The following EVI5 variants were observed in gnomAD, a reference collection of about 807,000 sequenced individuals.
The protein encoded by EVI5 is ecotropic viral integration site 5 protein homolog.
EVI5 carries 73 observed loss-of-function variants against 112.0 expected under a neutral mutation model. The ratio of observed to expected loss-of-function variants is 0.65; its 90% CI spans 0.54 to 0.79. The LOEUF (loss-of-function observed/expected upper bound fraction) is 0.79. Ranked by LOEUF, EVI5 falls within the 30% of genes least tolerant of loss-of-function variation. The probability of loss-of-function intolerance (pLI) is 0.00; values close to 1 mark genes in which losing one functional copy is unlikely to be tolerated. For synonymous variants in EVI5, 305 were observed against 319.9 expected, an observed-to-expected ratio of 0.95 and a Z score of 0.50; for missense variants, 900 against 968.8, an observed-to-expected ratio of 0.93 and a Z score of 0.94.
At chr1:92,722,004 GCTTTA>G (rs1207113928) in intron 2 of EVI5, among the ~76,000 whole-genome samples, 2 of 151,312 alleles carry the variant, frequency 1.3e-5, no homozygotes, top group African/African-American at 4.9e-5. Flanking sequence ...GTCTGTAAGT[GCTTTA>G]CTTTGTCAGT....
intron 9 of EVI5, among the ~76,000 whole-genome samples, chr1:92,683,563 G>T (rs568842351): frequency 1.3e-5 from 2 of 152,280 alleles, no homozygotes; most frequent in African/African-American, 4.8e-5. Flanking sequence ...TGAGTTTGAC[G>T]AGTTGACAGA....
chr1:92,668,814 A>G (rs1487159858), intron 10 of EVI5, among the ~76,000 whole-genome samples: 3 of 152,182 alleles, frequency 2.0e-5, no homozygotes, highest in East Asian at 1.9e-4. Context: ...TTTAAAACTA[A>G]TATCACAGTA....
Position 92,707,966 on chromosome 1 carries a change from T to C in EVI5, c.150-3222A>G, listed in dbSNP as rs76237018. On this transcript the variant is annotated intron_variant, in intron 2 of 19. Coordinates refer to ENST00000684568, the MANE Select transcript of EVI5 (RefSeq NM_001350197.2). ...TGTGCATCAACATGGATGAATCTGA[T>C]AGATGTTAGAACGAAAGAAGCCAGG... 2.2e-4 allele frequency among the ~76,000 whole-genome samples: 33 copies of C among 152,140 alleles called. No homozygotes were observed. The East Asian group carries it at 6.4e-3, about 29-fold the overall frequency.
intron 13 of EVI5, among the ~76,000 whole-genome samples, chr1:92,638,406 T>G (rs1460924817): frequency 6.6e-6 from 1 of 151,304 alleles, no homozygotes; most frequent in East Asian, 1.9e-4. Context: ...GTAAATTTTT[T>G]TGCCACTGAC....
chr1:92,784,338 C>A (rs998821191), intron 1 of EVI5: 20 of 985,296 alleles, frequency 2.0e-5, no homozygotes, highest in Middle Eastern at 1.0e-3. Flanking sequence ...CAAGTTCATT[C>A]TGGACCTGGC....
At chr1:92,594,757 G>C (rs1223363938) in intron 18 of EVI5, among the ~76,000 whole-genome samples, 1 of 149,754 alleles carries the variant, frequency 6.7e-6, no homozygotes, top group African/African-American at 2.5e-5. Context: ...GTGGGCGAAG[G>C]ATATGAACAG....
chr1:92,523,422 T>A (rs1054023471), intron 19 of EVI5, among the ~76,000 whole-genome samples: 4 of 151,976 alleles, frequency 2.6e-5, no homozygotes, highest in South Asian at 2.1e-4. Flanking sequence ...TTCAACATTT[T>A]AAAAAATTTA....
intron 10 of EVI5, among the ~76,000 whole-genome samples, chr1:92,668,005 A>G (rs1275335071): frequency 6.6e-6 from 1 of 152,174 alleles, no homozygotes; most frequent in Non-Finnish European, 1.5e-5. Context: ...AATTTCTGCT[A>G]AAAAATGTCT....
chr1:92,575,082 A>C (rs945179664), intron 18 of EVI5, among the ~76,000 whole-genome samples: 1 of 152,228 alleles, frequency 6.6e-6, no homozygotes, highest in Non-Finnish European at 1.5e-5. Flanking sequence ...ATATAAAAGC[A>C]TCGAGTCCAT....
At chr1:92,775,776 GT>G (rs1348785370) in intron 1 of EVI5, among the ~76,000 whole-genome samples, 2 of 152,192 alleles carry the variant, frequency 1.3e-5, no homozygotes, top group African/African-American at 4.8e-5. Flanking sequence ...ATTTTGTGCA[GT>G]TGAGAAGCAG....
chr1:92,691,850 C>T lies in EVI5; in HGVS notation c.1097+1952G>A, dbSNP rs116053148. 4.3e-3 allele frequency among the ~76,000 whole-genome samples: 661 copies of T among 152,194 alleles called. 5 individuals carry two copies. The highest frequency in any genetic ancestry group is 0.015 in the African/African-American group (627 of 41,520). The stretch of plus-strand genomic sequence containing the variant: ...AGTTTAGGAAGTTTGGAAATGACTG[C>T]TGAATTAGGAATAAGGTAATCTGGT... On this transcript the variant is annotated intron_variant, in intron 9 of 19. Transcript: ENST00000684568.
chr1:92,557,121 C>G (rs1034219), intron 19 of EVI5, among the ~76,000 whole-genome samples: 129,630 of 152,170 alleles, frequency 0.85, 55,588 homozygotes, highest in East Asian at 0.97. Context: ...ACAAAAAAGA[C>G]AGGATGACAG....
At chr1:92,676,132 A>T (rs943350431) in intron 10 of EVI5, among the ~76,000 whole-genome samples, 1 of 151,942 alleles carries the variant, frequency 6.6e-6, no homozygotes, top group African/African-American at 2.4e-5. Flanking sequence ...CAGAAATGGG[A>T]ATAGAACCTC....
At chr1:92,572,730 T>C (rs1358150542) in intron 18 of EVI5, among the ~76,000 whole-genome samples, 2 of 71,500 alleles carry the variant, frequency 2.8e-5, no homozygotes, top group Non-Finnish European at 5.4e-5. Context: ...ATATCTGTTT[T>C]GTACAGTGAT....
chr1:92,665,864 T>C, intron 11 of EVI5, 75 bp downstream of exon 11: 1 of 1,052,064 alleles, frequency 9.5e-7, no homozygotes, highest in Non-Finnish European at 1.4e-6. Flanking sequence ...CCAGAATTTT[T>C]GAGGATTTTT....
At chr1:92,748,951 AGCTACTTGGGAGGCT>A (rs750351240) in intron 1 of EVI5, among the ~76,000 whole-genome samples, 107 of 151,902 alleles carry the variant, frequency 7.0e-4, no homozygotes, top group Non-Finnish European at 1.3e-3. Flanking sequence ...GTGTAATCCC[AGCTACTTGGGAGGCT>A]GAGGCAGGAG....
intron 2 of EVI5, among the ~76,000 whole-genome samples, chr1:92,713,340 T>G (rs1025355816): frequency 2.0e-5 from 3 of 151,714 alleles, no homozygotes; most frequent in Non-Finnish European, 4.4e-5. Context: ...TTTTTTCATT[T>G]TATGGTAGAC....
chr1:92,513,550 TATATATATATATATATG>T lies in EVI5; in HGVS notation c.*89_*105del. 9.1e-5 allele frequency: 1 copy of T among 10,930 alleles called. No individual in the cohort carries two copies. Among genetic ancestry groups the T allele is most frequent in the Non-Finnish European group, 1.3e-4 (1 of 7,506 alleles). 0.7% of individuals were successfully genotyped at this position (10,930 alleles called of 1,614,324 possible). Reference sequence around the variant, plus strand: ...ATATATATATATATATATATATATATATATATATATATATATGTACATATGAAACAAATTATTTCCAA... The same window carrying T: ...ATATATATATATATATATATATATATTACATATGAAACAAATTATTTCCAA... On this transcript the variant is annotated 3_prime_UTR_variant, in exon 20 of 20. Coordinates refer to ENST00000684568, the MANE Select transcript of EVI5 (RefSeq NM_001350197.2).
chr1:92,710,871 C>T (rs6664859), intron 2 of EVI5, among the ~76,000 whole-genome samples: 11 of 152,134 alleles, frequency 7.2e-5, no homozygotes, highest in Admixed American at 4.6e-4. Flanking sequence ...TTCCAGTTCC[C>T]TAATGGGTGG....
Sources: allele counts gnomAD v4.1 joint callset (sites outside exome capture counted in the v4.1 genomes callset), GRCh38; gene constraint gnomAD v4.1.1; transcripts MANE v1.5; gene names NCBI Gene and HGNC (gene_info 2026-07-23, HGNC 2026-07-21).